PCDHGA9: variants seen among roughly 807,000 people sequenced by gnomAD.
The protein encoded by PCDHGA9 is protocadherin gamma subfamily A, 9, also known as protocadherin gamma-A9.
Under a neutral mutation model 62.5 loss-of-function variants are expected in PCDHGA9, and 37 were observed. The observed-to-expected ratio is 0.59, with a 90% confidence interval of 0.46 to 0.78. The LOEUF is 0.78. Ranked by LOEUF, PCDHGA9 falls within the 30% of genes least tolerant of loss-of-function variation. PCDHGA9 has a pLI of 0.00. For missense variants in PCDHGA9, 1,138 were observed against 1,166.2 expected, an observed-to-expected ratio of 0.98 and a Z score of 0.35; for synonymous variants, 459 against 484.6, an observed-to-expected ratio of 0.95 and a Z score of 0.69.
intron 1 of PCDHGA9, chr5:141,408,026 G>A (rs1484571389): frequency 2.8e-6 from 3 of 1,081,716 alleles, no homozygotes; most frequent in African/African-American, 3.2e-5. Context: ...ACAACAGAAA[G>A]AAGAAAACCA....
intron 1 of PCDHGA9, chr5:141,430,840 A>G: frequency 6.4e-7 from 1 of 1,565,876 alleles, no homozygotes; most frequent in East Asian, 2.2e-5. Flanking sequence ...GGGAGACCGG[A>G]TGCACCCAGA....
chr5:141,450,645 C>T (rs2098688869), intron 1 of PCDHGA9, among the ~76,000 whole-genome samples: 2 of 151,618 alleles, frequency 1.3e-5, no homozygotes, highest in Non-Finnish European at 2.9e-5. Context: ...TGCCACCATG[C>T]CTGGCTAATT....
rs780436102 is a variant in PCDHGA9, at chr5:141,431,846, G to A, written c.2424+26470G>A. 1 of 1,614,274 alleles carries A rather than the reference G, an allele frequency of 6.2e-7. No individual in the cohort carries two copies. Among genetic ancestry groups the A allele is most frequent in the South Asian group, 1.1e-5 (1 of 91,088 alleles). On this transcript the variant is annotated intron_variant, in intron 1 of 3. Coordinates refer to ENST00000573521, the MANE Select transcript of PCDHGA9 (RefSeq NM_018921.3). The surrounding 1 kb of genome is among the most constrained non-coding windows in gnomAD (Gnocchi z 4.8). ...CTCGGTTCCCGAAAACTCTCCCAGA[G>A]GGACATTAATTGCCCTTTTAAATGT...
chr5:141,494,661 G>A, intron 1 of PCDHGA9, 146 bp from the exon 2 acceptor site: 2 of 1,492,976 alleles, frequency 1.3e-6, no homozygotes, highest in Non-Finnish European at 1.8e-6. Context: ...TTTGTCTTTG[G>A]AGATGAGTCC....
intron 1 of PCDHGA9, chr5:141,427,909 C>G: frequency 6.3e-7 from 1 of 1,576,922 alleles, no homozygotes; most frequent in Non-Finnish European, 8.7e-7. Context: ...GCGCTCAGCG[C>G]CAACATGAGC....
rs545421792 is a variant in PCDHGA9 at position 141,414,806 on chromosome 5, C to T, written c.2424+9430C>T. ...GTGACAGCCAGCGACAGCGGGGATC[C>T]TCCACTCAGCAGCAACGTGTCGTTG... On this transcript the variant is annotated intron_variant, in intron 1 of 3. Coordinates refer to ENST00000573521, the MANE Select transcript of PCDHGA9 (RefSeq NM_018921.3). 2.2e-5 allele frequency: 36 copies of T among 1,614,244 alleles called. No individual in the cohort carries two copies. The South Asian group carries it at 3.1e-4, about 14-fold the overall frequency.
intron 3 of PCDHGA9, among the ~76,000 whole-genome samples, chr5:141,509,962 C>A (rs1186902807): frequency 2.0e-5 from 3 of 152,206 alleles, no homozygotes. Context: ...CGGGTATGGC[C>A]TTGGTCCTTC....
chr5:141,490,338 C>A lies in PCDHGA9; in HGVS notation c.2425-4469C>A, dbSNP rs1408559629. Reference sequence around the variant, plus strand: ...CTGTCCTAGAGAGCACACCAGTGGGCACAGTAGTGGGGTTGTTTAATGTGC... The same window carrying A: ...CTGTCCTAGAGAGCACACCAGTGGGAACAGTAGTGGGGTTGTTTAATGTGC... On this transcript the variant is annotated intron_variant, in intron 1 of 3. Coordinates refer to ENST00000573521, the MANE Select transcript of PCDHGA9 (RefSeq NM_018921.3). This position sits in a 1 kb window ranked among gnomAD's most constrained non-coding sequence, Gnocchi z 5.4. 6.2e-7 allele frequency: 1 copy of A among 1,614,184 alleles called. No homozygotes were observed. The highest frequency in any genetic ancestry group is 1.7e-5 in the Admixed American group (1 of 60,032).
Position 141,404,707 on chromosome 5 carries a change from C to A in PCDHGA9, c.1755C>A (p.Gly585=). The stretch of plus-strand genomic sequence containing the variant: ...TGGCACCCCGCTCTGCAGAGCCTGG[C>A]TACCTGGTGACCAAGGTGGTGGCAG... ...VELAPRSAEP[G]YLVTKVVAVD... Residue 585 remains glycine, a synonymous_variant, in exon 1 of 4, where the codon GGC becomes GGA. Coordinates refer to ENST00000573521, the MANE Select transcript of PCDHGA9 (RefSeq NM_018921.3). 1 of 1,614,122 alleles carries A rather than the reference C, an allele frequency of 6.2e-7. No individual in the cohort carries two copies. Among genetic ancestry groups the A allele is most frequent in the South Asian group, 1.1e-5 (1 of 91,086 alleles).
chr5:141,412,930 C>A, intron 1 of PCDHGA9: 1 of 451,594 alleles, frequency 2.2e-6, no homozygotes, highest in Non-Finnish European at 3.9e-6. Context: ...GCAGTAACTT[C>A]TTAGGACTCT....
intron 1 of PCDHGA9, chr5:141,430,780 C>T: frequency 6.6e-7 from 1 of 1,511,476 alleles, no homozygotes; most frequent in Non-Finnish European, 8.8e-7. Flanking sequence ...CGCGACTGCA[C>T]CGGGACTACA....
At position 141,433,188 on chromosome 5, in the gene PCDHGA9, G is replaced by A. The variant is rs2097573612; in HGVS notation, c.2424+27812G>A. The A allele has an allele frequency of 2.5e-6, 4 of 1,583,816 alleles. No homozygotes were observed. The South Asian group carries it at 3.5e-5, about 14-fold the overall frequency. On this transcript the variant is annotated intron_variant, in intron 1 of 3. Coordinates refer to ENST00000573521, the MANE Select transcript of PCDHGA9 (RefSeq NM_018921.3). ...GACAGTCATGGGTTAATTGAGGTGA[G>A]TTTATATCAAATCTTCTTTCTTTTT...
intron 1 of PCDHGA9, chr5:141,408,475 CCGT>C: frequency 6.2e-7 from 1 of 1,614,032 alleles, no homozygotes; most frequent in Non-Finnish European, 8.5e-7. Context: ...ACCGAATAGA[CCGT>C]GAGCAAATAT....
intron 1 of PCDHGA9, among the ~76,000 whole-genome samples, chr5:141,449,594 A>T (rs2098647409): frequency 6.6e-6 from 1 of 150,814 alleles, no homozygotes; most frequent in Non-Finnish European, 1.5e-5. Context: ...GTCTCAAAAA[A>T]AAAAAAAAAA....
chr5:141,450,253 A>G (rs1025385837), intron 1 of PCDHGA9, among the ~76,000 whole-genome samples: 1 of 152,020 alleles, frequency 6.6e-6, no homozygotes, highest in African/African-American at 2.4e-5. Flanking sequence ...CCTGACCTCA[A>G]GTGATCTGCC....
intron 1 of PCDHGA9, chr5:141,414,091 A>C (rs774168035): frequency 7.5e-6 from 12 of 1,594,412 alleles, no homozygotes; most frequent in African/African-American, 1.3e-5. Flanking sequence ...TGGAGAAATA[A>C]AAATATCAGA....
Position 141,480,177 on chromosome 5 carries a change from G to T in PCDHGA9, c.2425-14630G>T, listed in dbSNP as rs570721769. 4.6e-5 allele frequency among the ~76,000 whole-genome samples: 7 copies of T among 152,066 alleles called. No homozygotes were observed. In the South Asian group the frequency reaches 6.3e-4, roughly 14 times the overall value. ...CTAGCATTTTGGGAGGCTGAGGCAGGCGGATTGCTTGAGGCCAGCAGTTCA... is the reference window on the plus strand; with the variant it reads ...CTAGCATTTTGGGAGGCTGAGGCAGTCGGATTGCTTGAGGCCAGCAGTTCA... On this transcript the variant is annotated intron_variant, in intron 1 of 3. Coordinates refer to ENST00000573521, the MANE Select transcript of PCDHGA9 (RefSeq NM_018921.3).
intron 1 of PCDHGA9, chr5:141,422,357 C>G: frequency 6.4e-7 from 1 of 1,557,656 alleles, no homozygotes; most frequent in African/African-American, 1.4e-5. Flanking sequence ...GATCAAGATT[C>G]TGGAGAAAAT....
chr5:141,429,416 T>C (rs527999196), intron 1 of PCDHGA9, among the ~76,000 whole-genome samples: 1 of 152,230 alleles, frequency 6.6e-6, no homozygotes, highest in Admixed American at 6.5e-5. Flanking sequence ...GGTCTCATTA[T>C]GTTGCCCAGG....
Sources: gnomAD v4.1 joint callset for allele counts (sites outside exome capture counted in the v4.1 genomes callset) on GRCh38, gnomAD v4.1.1 for gene constraint, Gnocchi (gnomAD v3.1) non-coding constraint, MANE v1.5 for transcripts, NCBI Gene and HGNC (gene_info 2026-07-23, HGNC 2026-07-21) for gene names.